IRAG2: variants seen among roughly 807,000 people sequenced by gnomAD.
IRAG2 encodes inositol 1,4,5-triphosphate receptor associated 2.
Under a neutral mutation model 69.9 loss-of-function variants are expected in IRAG2, and 45 were observed. The observed-to-expected ratio is 0.64, with a 90% CI of 0.51 to 0.83. The LOEUF is 0.83. Ranked by LOEUF, IRAG2 falls within the 40% of genes least tolerant of loss-of-function variation. The pLI is 0.00. For synonymous variants in IRAG2, 193 were observed against 202.4 expected, an observed-to-expected ratio of 0.95 and a Z score of 0.40; for missense variants, 520 against 587.0, an observed-to-expected ratio of 0.89 and a Z score of 1.18.
intron 16 of IRAG2, 97 bp downstream of exon 16, chr12:25,101,422 A>G (rs1205654849): frequency 1.3e-6 from 1 of 799,580 alleles, no homozygotes; most frequent in African/African-American, 1.8e-5. Context: ...TAAAACTCTT[A>G]GGTTAACTTT....
chr12:25,021,086 C>A (rs28579239), intron 7 of IRAG2: 41 of 287,954 alleles, frequency 1.4e-4, no homozygotes, highest in Non-Finnish European at 2.2e-4. Context: ...TTCTTTCTTT[C>A]TTTTCTTTTT....
intron 1 of IRAG2, among the ~76,000 whole-genome samples, chr12:25,058,625 A>G (rs1406607837): frequency 6.6e-6 from 1 of 152,206 alleles, no homozygotes; most frequent in Non-Finnish European, 1.5e-5. Flanking sequence ...TAACATGATA[A>G]CGGCTCTAAT....
intron 10 of IRAG2, among the ~76,000 whole-genome samples, chr12:25,084,402 A>G (rs900791143): frequency 1.6e-4 from 24 of 151,818 alleles, no homozygotes; most frequent in African/African-American, 5.6e-4. Flanking sequence ...AAAGAAAAAA[A>G]AGAGAGAGAG....
At chr12:25,009,441 G>A (rs1944457842) in intron 2 of IRAG2, among the ~76,000 whole-genome samples, 2 of 152,172 alleles carry the variant, frequency 1.3e-5, no homozygotes, top group South Asian at 4.1e-4. Context: ...GAGCTTCTCT[G>A]CTTGGACAGG....
intron 6 of IRAG2, chr12:25,076,607 A>G (rs1592016847): frequency 1.0e-6 from 1 of 983,016 alleles, no homozygotes; most frequent in African/African-American, 1.7e-5. Context: ...TCTCTTTCAT[A>G]TTTCTTAAAT....
intron 8 of IRAG2, among the ~76,000 whole-genome samples, chr12:25,024,135 G>A (rs1291862856): frequency 6.6e-6 from 1 of 151,978 alleles, no homozygotes; most frequent in Non-Finnish European, 1.5e-5. Context: ...GGAAGAAATG[G>A]GATTTAAGAA....
chr12:25,016,304 G>T lies in IRAG2; in HGVS notation c.1056-830G>T, dbSNP rs187377488. On this transcript the variant is annotated intron_variant, in intron 5 of 38. Transcript: ENST00000636465. ...GGGGCTCCATGAAACACACAGTCCAGAATCTTAAAGGATTTGTGAACTGAT... is the reference window on the plus strand; with the variant it reads ...GGGGCTCCATGAAACACACAGTCCATAATCTTAAAGGATTTGTGAACTGAT... Among the ~76,000 whole-genome samples the T allele has an allele frequency of 2.6e-5, 4 of 152,194 alleles. No homozygotes were observed. The East Asian group carries it at 7.7e-4, about 29-fold the overall frequency.
intron 1 of IRAG2, among the ~76,000 whole-genome samples, chr12:25,059,784 C>G (rs1441723036): frequency 6.6e-6 from 1 of 151,688 alleles, no homozygotes; most frequent in Admixed American, 6.6e-5. Context: ...GTTATTTTTA[C>G]CAAAAAAAAG....
chr12:25,081,345 T>C (rs1947201887), intron 9 of IRAG2, among the ~76,000 whole-genome samples: 1 of 152,158 alleles, frequency 6.6e-6, no homozygotes, highest in Non-Finnish European at 1.5e-5. Flanking sequence ...GCACCTGTAG[T>C]CCCAGCTACT....
intron 1 of IRAG2, chr12:25,005,122 A>G (rs1944420994): frequency 2.0e-6 from 1 of 506,480 alleles, no homozygotes; most frequent in Non-Finnish European, 3.1e-6. Context: ...ATTTCCCTAT[A>G]TCTAAGGGGA....
At chr12:25,036,827 C>A (rs997954715) in intron 15 of IRAG2, 1 of 393,994 alleles carries the variant, frequency 2.5e-6, no homozygotes, top group Non-Finnish European at 4.5e-6. Context: ...ACTGTGTGTC[C>A]AGGGGTGTAT....
intron 8 of IRAG2, among the ~76,000 whole-genome samples, chr12:25,024,950 T>G (rs1944610022): frequency 6.6e-6 from 1 of 152,218 alleles, no homozygotes; most frequent in Admixed American, 6.5e-5. Flanking sequence ...TTGACTTACA[T>G]TAGAAAACGA....
At chr12:25,067,036 T>C (rs1346193060) in intron 5 of IRAG2, among the ~76,000 whole-genome samples, 1 of 152,164 alleles carries the variant, frequency 6.6e-6, no homozygotes, top group Admixed American at 6.5e-5. Flanking sequence ...ATAATACCAC[T>C]CTAAAGCTTA....
At chr12:24,998,701 T>TA in the IRAG2 span, among the ~76,000 whole-genome samples, 1 of 152,078 alleles carries the variant, frequency 6.6e-6, no homozygotes, top group African/African-American at 2.4e-5. Context: ...TTTTTTTTTT[T>TA]ACGTATATTA....
At chr12:25,100,429 C>T (rs1274348194) in intron 15 of IRAG2, among the ~76,000 whole-genome samples, 1 of 152,188 alleles carries the variant, frequency 6.6e-6, no homozygotes, top group Non-Finnish European at 1.5e-5. Flanking sequence ...CACTCAGATA[C>T]TTGTACACAA....
intron 12 of IRAG2, among the ~76,000 whole-genome samples, chr12:25,033,114 G>T (rs1468875950): frequency 1.1e-4 from 16 of 151,992 alleles, no homozygotes; most frequent in Admixed American, 9.8e-4. Context: ...ATGCCACCAT[G>T]CCTGGCTAAT....
chr12:25,001,450 A>C (rs1015504547), upstream of IRAG2, among the ~76,000 whole-genome samples: 3 of 152,150 alleles, frequency 2.0e-5, no homozygotes, highest in African/African-American at 7.2e-5. Flanking sequence ...TGTCTCGAAA[A>C]TAAATAAACA....
chr12:25,010,821 G>T (rs564178955), intron 2 of IRAG2, among the ~76,000 whole-genome samples: 1 of 152,220 alleles, frequency 6.6e-6, no homozygotes, highest in South Asian at 2.1e-4. Flanking sequence ...AAAGATTGGT[G>T]TGTCAATGAC....
chr12:25,053,185 G>A (rs1198728071), intron 1 of IRAG2, among the ~76,000 whole-genome samples: 3 of 151,576 alleles, frequency 2.0e-5, no homozygotes, highest in Non-Finnish European at 4.4e-5. Context: ...TTATAAGCTG[G>A]TTTTGTCTGT....
Sources: gnomAD v4.1 joint callset for allele counts (sites outside exome capture counted in the v4.1 genomes callset) on GRCh38, gnomAD v4.1.1 for gene constraint, MANE v1.5 for transcripts, NCBI Gene and HGNC (gene_info 2026-07-23, HGNC 2026-07-21) for gene names.